GALNT12: variants seen among roughly 807,000 people sequenced by gnomAD.
GALNT12 encodes the protein UDP-GalNAc:polypeptide N-acetylgalactosaminyltransferase 12.
Under a neutral mutation model 55.5 loss-of-function variants are expected in GALNT12, and 45 were observed. The observed-to-expected ratio is 0.81, with a 90% CI of 0.64 to 1.04. The LOEUF (loss-of-function observed/expected upper bound fraction) is 1.04, where lower values mean the gene tolerates loss of function less well. GALNT12 is among the 50% of genes least tolerant of loss of function. GALNT12 has a pLI of 0.00. For synonymous variants in GALNT12, 304 were observed against 312.2 expected, an observed-to-expected ratio of 0.97 and a Z score of 0.28; for missense variants, 709 against 754.8, an observed-to-expected ratio of 0.94 and a Z score of 0.71.
intron 7 of GALNT12, among the ~76,000 whole-genome samples, chr9:98,840,561 G>T (rs964748392): frequency 1.3e-5 from 2 of 152,128 alleles, no homozygotes; most frequent in African/African-American, 4.8e-5. Context: ...TTTGGGATGA[G>T]ACCAGATAAA....
At position 98,844,935 on chromosome 9, in the gene GALNT12, G is replaced by A. The variant is rs557524800; in HGVS notation, c.1458+726G>A. ...GGTTCTGGGCCTCTGAAGCTTCACCGTACCAAGGAGTTATCAGACACCAGG... is the reference window on the plus strand; with the variant it reads ...GGTTCTGGGCCTCTGAAGCTTCACCATACCAAGGAGTTATCAGACACCAGG... On this transcript the variant is annotated intron_variant, in intron 8 of 9. Coordinates refer to ENST00000375011, the MANE Select transcript of GALNT12 (RefSeq NM_024642.5). 3.3e-5 allele frequency among the ~76,000 whole-genome samples: 5 copies of A among 152,164 alleles called. No individual in the cohort carries two copies. In the South Asian group the frequency reaches 6.2e-4, roughly 19 times the overall value.
At chr9:98,845,513 T>C (rs1836390034) in intron 8 of GALNT12, among the ~76,000 whole-genome samples, 1 of 152,120 alleles carries the variant, frequency 6.6e-6, no homozygotes, top group South Asian at 2.1e-4. Context: ...CCGTTAGCGG[T>C]CACATTGTCT....
chr9:98,847,934 T>C (rs1836458721), intron 9 of GALNT12, among the ~76,000 whole-genome samples: 1 of 151,308 alleles, frequency 6.6e-6, no homozygotes, highest in African/African-American at 2.4e-5. Context: ...TGTCTCAGTC[T>C]CCTGAGTAGC....
At chr9:98,826,347 A>AT (rs1275696096) in intron 2 of GALNT12, among the ~76,000 whole-genome samples, 2 of 152,246 alleles carry the variant, frequency 1.3e-5, no homozygotes, top group African/African-American at 4.8e-5. Context: ...TTCTATTAAC[A>AT]TAACTACTGT....
intron 3 of GALNT12, among the ~76,000 whole-genome samples, chr9:98,828,379 G>A (rs1835910923): frequency 6.6e-6 from 1 of 152,222 alleles, no homozygotes; most frequent in Admixed American, 6.5e-5. Context: ...TGGAGCTGGA[G>A]ATTAGAGCAC....
intron 1 of GALNT12, among the ~76,000 whole-genome samples, chr9:98,821,215 G>T (rs1050486374): frequency 6.6e-6 from 1 of 152,060 alleles, no homozygotes; most frequent in East Asian, 1.9e-4. Flanking sequence ...TCACCATGTT[G>T]GTCAGGCTGG....
chr9:98,814,414 G>A (rs967120414), intron 1 of GALNT12, among the ~76,000 whole-genome samples: 3 of 151,774 alleles, frequency 2.0e-5, no homozygotes, highest in Non-Finnish European at 4.4e-5. Context: ...AAAGATAAAA[G>A]AAGATCAGGA....
At chr9:98,847,841 A>C (rs1588460624) in intron 9 of GALNT12, among the ~76,000 whole-genome samples, 1 of 122,204 alleles carries the variant, frequency 8.2e-6, no homozygotes, top group Admixed American at 9.7e-5. Context: ...TTTGAGACGG[A>C]GCCTTGCTCC....
Position 98,845,747 on chromosome 9 carries a change from C to T in GALNT12, c.1459-230C>T, listed in dbSNP as rs142578848. 2.0e-5 allele frequency among the ~76,000 whole-genome samples: 3 copies of T among 152,272 alleles called. No individual in the cohort carries two copies. In the East Asian group the frequency reaches 5.8e-4, roughly 29 times the overall value. On this transcript the variant is annotated intron_variant, in intron 8 of 9. Transcript: ENST00000375011. ...CAGCCCTGTCTCCCTGTCTAGCAAG[C>T]TGGGCAGGCATGGGAAGGGCCATTT... is the stretch of plus-strand genomic sequence containing the variant.
chr9:98,818,421 C>T (rs913343102), intron 1 of GALNT12, among the ~76,000 whole-genome samples: 6 of 152,078 alleles, frequency 3.9e-5, no homozygotes, highest in Non-Finnish European at 5.9e-5. Flanking sequence ...GATGGGGTTT[C>T]GCCACGTTGG....
rs978066439 is a variant in GALNT12 at position 98,807,995 on chromosome 9, G to A, written c.297G>A (p.Arg99=). Residue 99 remains arginine, a synonymous_variant, in exon 1 of 10, where the codon CGG becomes CGA. Coordinates refer to ENST00000375011, the MANE Select transcript of GALNT12 (RefSeq NM_024642.5). ...TGCGGCTGCAGGAGGAGAGCGTGCG[G>A]CTGCACCAGATTAACATCTACCTCA... The part of the protein sequence containing the change: ...EELRLQEESV[R]LHQINIYLSD... 17 of 1,540,818 alleles carry A rather than the reference G, an allele frequency of 1.1e-5. No homozygotes were observed. The highest frequency in any genetic ancestry group is 1.5e-5 in the Non-Finnish European group (17 of 1,146,776).
At chr9:98,831,590 T>C (rs1302508608) in intron 3 of GALNT12, 182 bp from the exon 4 acceptor site, 2 of 214,530 alleles carry the variant, frequency 9.3e-6, no homozygotes, top group Non-Finnish European at 1.6e-5. Context: ...ATCTCCCCCA[T>C]GGTGGTCACC....
chr9:98,825,300 A>T (rs1313835355), intron 2 of GALNT12, among the ~76,000 whole-genome samples: 1 of 152,236 alleles, frequency 6.6e-6, no homozygotes, highest in African/African-American at 2.4e-5. Context: ...TACAGTAGAA[A>T]TTCCTCTGAC....
chr9:98,810,907 TAGTA>T (rs936488211), intron 1 of GALNT12, among the ~76,000 whole-genome samples: 6 of 152,104 alleles, frequency 3.9e-5, no homozygotes, highest in African/African-American at 7.2e-5. Context: ...TAAATAAGTA[TAGTA>T]AGTAAGTCAG....
intron 6 of GALNT12, among the ~76,000 whole-genome samples, chr9:98,839,556 G>A (rs57156513): frequency 0.06 from 9,133 of 152,272 alleles, 531 homozygotes; most frequent in African/African-American, 0.15. Flanking sequence ...GTGTTTGAAA[G>A]TGGATATTCA....
rs112307982 is a variant in GALNT12 at position 98,842,763 on chromosome 9, T to C, written c.1345-1333T>C. On this transcript the variant is annotated intron_variant, in intron 7 of 9. Coordinates refer to ENST00000375011, the MANE Select transcript of GALNT12 (RefSeq NM_024642.5). ...CAGACCATGCAGTTTAACAGAAATA[T>C]AATGAGAGCCACCGTTGTAACTTAA... Among the ~76,000 whole-genome samples the C allele has an allele frequency of 3.3e-3, 500 of 152,194 alleles. 3 individuals are homozygous for C. Among genetic ancestry groups the C allele is most frequent in the African/African-American group, 0.011 (473 of 41,512 alleles).
intron 3 of GALNT12, among the ~76,000 whole-genome samples, 199 bp from the exon 4 acceptor site, chr9:98,831,573 C>G (rs1011546611): frequency 6.6e-6 from 1 of 152,256 alleles, no homozygotes; most frequent in African/African-American, 2.4e-5. Flanking sequence ...CCCTCCGTGG[C>G]CCCCAGATCT....
rs76915167 is a variant in GALNT12, at chr9:98,827,618, A to T, written c.731+677A>T. On this transcript the variant is annotated intron_variant, in intron 3 of 9. Coordinates refer to ENST00000375011, the MANE Select transcript of GALNT12 (RefSeq NM_024642.5). ...ATTTCTTTCAAGCAGGGCTGACTTA[A>T]CCCTTACACCCAGGAGGAACAATGC... Among the ~76,000 whole-genome samples the T allele has an allele frequency of 3.9e-3, 595 of 152,324 alleles. 3 individuals are homozygous for T. Among genetic ancestry groups the T allele is most frequent in the African/African-American group, 0.013 (559 of 41,572 alleles).
chr9:98,824,974 G>A (rs946294472), intron 2 of GALNT12, among the ~76,000 whole-genome samples: 3 of 151,810 alleles, frequency 2.0e-5, no homozygotes, highest in Non-Finnish European at 4.4e-5. Context: ...AACACCTAGC[G>A]ACTAGACAAC....
Sources: gnomAD v4.1 joint callset for allele counts (sites outside exome capture counted in the v4.1 genomes callset) on GRCh38, gnomAD v4.1.1 for gene constraint, MANE v1.5 for transcripts, NCBI Gene and HGNC (gene_info 2026-07-23, HGNC 2026-07-21) for gene names.